The following BCAS3 variants were observed in gnomAD, a reference collection of about 807,000 sequenced individuals.
BCAS3 encodes BCAS4/BCAS3 fusion.
Under a neutral mutation model 116.1 loss-of-function variants are expected in BCAS3, and 53 were observed. The observed-to-expected ratio is 0.46, with a 90% CI of 0.37 to 0.57. The LOEUF is 0.57. Among genes scored for constraint, BCAS3 ranks in the 20% least tolerant of loss-of-function variants. The probability of loss-of-function intolerance (pLI) is 0.00; values close to 1 mark genes in which losing one functional copy is unlikely to be tolerated. For missense variants in BCAS3, 917 were observed against 1,165.4 expected (o/e 0.79, Z 3.10); for synonymous variants, 391 against 408.2 (o/e 0.96, Z 0.51).
At chr17:61,206,721 A>C (rs932957945) in intron 22 of BCAS3, among the ~76,000 whole-genome samples, 1 of 146,946 alleles carries the variant, frequency 6.8e-6, no homozygotes, top group African/African-American at 2.5e-5. Context: ...GAATCGCTTG[A>C]ACCTGGGAGG....
At chr17:60,895,017 A>G (rs900637051) in intron 10 of BCAS3, among the ~76,000 whole-genome samples, 2 of 152,096 alleles carry the variant, frequency 1.3e-5, no homozygotes, top group Non-Finnish European at 2.9e-5. Flanking sequence ...ATCTTGGCCT[A>G]TAGTTTTCTT....
chr17:61,331,568 G>A (rs1474711009), intron 22 of BCAS3, among the ~76,000 whole-genome samples: 3 of 152,138 alleles, frequency 2.0e-5, no homozygotes, highest in African/African-American at 7.2e-5. Flanking sequence ...TGAAGTGGGA[G>A]GATCACTTGA....
At chr17:60,710,660 TG>T (rs1359837948) in intron 5 of BCAS3, among the ~76,000 whole-genome samples, 1 of 151,872 alleles carries the variant, frequency 6.6e-6, no homozygotes, top group Non-Finnish European at 1.5e-5. Context: ...CTTGATCTGC[TG>T]ACCTCGTGAT....
intron 13 of BCAS3, among the ~76,000 whole-genome samples, chr17:60,929,019 T>G (rs563185910): frequency 1.3e-5 from 2 of 152,324 alleles, no homozygotes; most frequent in South Asian, 4.1e-4. Flanking sequence ...TGTCTTACAG[T>G]TTTAAAAATG....
At chr17:60,792,028 CAGG>C (rs1340538264) in intron 6 of BCAS3, among the ~76,000 whole-genome samples, 1 of 152,140 alleles carries the variant, frequency 6.6e-6, no homozygotes, top group African/African-American at 2.4e-5. Flanking sequence ...GAGGCCGAGG[CAGG>C]AGAATTGCTT....
intron 22 of BCAS3, among the ~76,000 whole-genome samples, chr17:61,330,597 C>G (rs953790297): frequency 5.3e-5 from 8 of 152,222 alleles, no homozygotes; most frequent in African/African-American, 1.9e-4. Flanking sequence ...GACTCACATT[C>G]CCACGCTATA....
intron 4 of BCAS3, among the ~76,000 whole-genome samples, chr17:60,701,384 T>A (rs1397653116): frequency 6.6e-6 from 1 of 152,200 alleles, no homozygotes; most frequent in Non-Finnish European, 1.5e-5. Context: ...GATTAGTGAA[T>A]GAGTTTTTAC....
rs200027134 is a variant in BCAS3 at position 61,031,183 on chromosome 17, G to GA, written c.1638-3475dup. The stretch of plus-strand genomic sequence containing the variant: ...AAAGGGAGATGTTGAGAACAAGAGA[G>GA]AAAAAAAAGGTTAGCATTGGAGTGC... On this transcript the variant is annotated intron_variant, in intron 16 of 23. Coordinates refer to ENST00000407086, the MANE Select transcript of BCAS3 (RefSeq NM_017679.5). 2.1e-3 allele frequency among the ~76,000 whole-genome samples: 312 copies of GA among 151,748 alleles called. 1 individual carries two copies. Among genetic ancestry groups the GA allele is most frequent in the African/African-American group, 7.1e-3 (295 of 41,426 alleles).
rs539365778 is a variant in BCAS3, at chr17:61,333,534, G to A, written c.2426-34793G>A. The stretch of plus-strand genomic sequence containing the variant: ...TGCAAACCACGCAATGTCTGCCAGC[G>A]CTCACTGCCTTCCTGAGCCCAACAG... On this transcript the variant is annotated intron_variant, in intron 22 of 23. Coordinates refer to ENST00000407086, the MANE Select transcript of BCAS3 (RefSeq NM_017679.5). This position sits in a 1 kb window ranked among gnomAD's most constrained non-coding sequence, Gnocchi z 4.8. 2.6e-5 allele frequency among the ~76,000 whole-genome samples: 4 copies of A among 152,040 alleles called. No individual in the cohort carries two copies. In the East Asian group the frequency reaches 5.8e-4, roughly 22 times the overall value.
At chr17:60,982,820 C>T (rs889780923) in intron 14 of BCAS3, among the ~76,000 whole-genome samples, 5 of 152,112 alleles carry the variant, frequency 3.3e-5, no homozygotes, top group Non-Finnish European at 4.4e-5. Context: ...GTCTTCAAGG[C>T]CTAAAATTTA....
rs748931623 is a variant in BCAS3 at position 61,145,181 on chromosome 17, A to G, written c.2425+60617A>G. On this transcript the variant is annotated intron_variant, in intron 22 of 23. Coordinates refer to ENST00000407086, the MANE Select transcript of BCAS3 (RefSeq NM_017679.5). This position sits in a 1 kb window ranked among gnomAD's most constrained non-coding sequence, Gnocchi z 5.0. ...GCAGCATTTTTCAAAGCTTCCTCCC[A>G]CTGATGGCTGAAATTTTCCTTGTGA... is the stretch of plus-strand genomic sequence containing the variant. Among the ~76,000 whole-genome samples the G allele has an allele frequency of 3.3e-5, 5 of 152,194 alleles. No homozygotes were observed. Among genetic ancestry groups the G allele is most frequent in the Admixed American group, 1.3e-4 (2 of 15,284 alleles).
chr17:60,739,847 G>C (rs2041351284), intron 5 of BCAS3, among the ~76,000 whole-genome samples: 2 of 151,148 alleles, frequency 1.3e-5, no homozygotes, highest in Admixed American at 1.3e-4. Context: ...GAGTTTTCAG[G>C]ATACAGAATT....
At chr17:61,111,688 C>T (rs1356475634) in intron 22 of BCAS3, among the ~76,000 whole-genome samples, 3 of 139,114 alleles carry the variant, frequency 2.2e-5, no homozygotes, top group Non-Finnish European at 4.7e-5. Flanking sequence ...GAGAACTTCC[C>T]CAATCTAGCA....
chr17:60,983,708 A>G (rs1285054202), intron 14 of BCAS3, among the ~76,000 whole-genome samples: 1 of 152,186 alleles, frequency 6.6e-6, no homozygotes, highest in Non-Finnish European at 1.5e-5. Flanking sequence ...GGTCTTGATT[A>G]TAAGTGTTTT....
intron 5 of BCAS3, chr17:60,727,386 A>G (rs542564523): frequency 1.2e-4 from 195 of 1,592,282 alleles, no homozygotes; most frequent in Non-Finnish European, 1.5e-4. Context: ...CCCTGGGCAT[A>G]CAAGGAATCC....
At chr17:61,061,503 G>A (rs1041820172) in intron 19 of BCAS3, among the ~76,000 whole-genome samples, 8 of 152,214 alleles carry the variant, frequency 5.3e-5, no homozygotes, top group Non-Finnish European at 8.8e-5. Flanking sequence ...GTCAAGAACA[G>A]TAAGTTTTCA....
At chr17:61,046,758 C>G (rs1431493977) in intron 19 of BCAS3, among the ~76,000 whole-genome samples, 5 of 151,776 alleles carry the variant, frequency 3.3e-5, no homozygotes, top group Non-Finnish European at 5.9e-5. Flanking sequence ...AACTCTAATA[C>G]AAACTTCACA....
intron 9 of BCAS3, among the ~76,000 whole-genome samples, chr17:60,878,295 C>A (rs1022452206): frequency 5.9e-5 from 9 of 152,084 alleles, no homozygotes; most frequent in African/African-American, 1.9e-4. Flanking sequence ...CAGGCATGAG[C>A]CTCCATGCCC....
chr17:61,319,843 G>C (rs1318128392), intron 22 of BCAS3, among the ~76,000 whole-genome samples: 1 of 151,038 alleles, frequency 6.6e-6, no homozygotes, highest in Admixed American at 6.6e-5. Context: ...AATTTTCATA[G>C]AATAGTCTTT....
Sources: gnomAD v4.1 joint callset for allele counts (sites outside exome capture counted in the v4.1 genomes callset) on GRCh38, gnomAD v4.1.1 for gene constraint, Gnocchi (gnomAD v3.1) non-coding constraint, MANE v1.5 for transcripts, NCBI Gene and HGNC (gene_info 2026-07-23, HGNC 2026-07-21) for gene names.